RYR2: variants seen among roughly 807,000 people sequenced by gnomAD.
RYR2 encodes the protein cardiac muscle ryanodine receptor-calcium release channel.
A neutral mutation model predicts 601.1 loss-of-function variants in RYR2; 227 were observed. That is an observed-to-expected ratio of 0.38 (90% CI 0.34 to 0.42). The LOEUF (loss-of-function observed/expected upper bound fraction) is 0.42, where lower values mean the gene tolerates loss of function less well. Among genes scored for constraint, RYR2 ranks in the 10% least tolerant of loss-of-function variants. The pLI is 1.00. For synonymous variants in RYR2, 2,223 were observed against 2,175.1 expected (o/e 1.02, Z -0.61); for missense variants, 4,646 against 6,156.5 (o/e 0.75, Z 8.21).
At chr1:237,822,441 C>T (rs979183260) in intron 101 of RYR2, among the ~76,000 whole-genome samples, 7 of 152,076 alleles carry the variant, frequency 4.6e-5, no homozygotes, top group Admixed American at 1.3e-4. Context: ...GCTTCAAAAG[C>T]GAAGGAGTAA....
At chr1:237,208,672 C>T (rs1443018001) in intron 1 of RYR2, among the ~76,000 whole-genome samples, 6 of 151,682 alleles carry the variant, frequency 4.0e-5, no homozygotes, top group African/African-American at 7.3e-5. Flanking sequence ...AGCTAATGAA[C>T]GTATTTATGA....
intron 35 of RYR2, among the ~76,000 whole-genome samples, chr1:237,606,626 C>G (rs1190194984): frequency 6.6e-6 from 1 of 152,186 alleles, no homozygotes; most frequent in Admixed American, 6.5e-5. Context: ...TCAGAGTCAA[C>G]AGGAAACCTA....
At chr1:237,274,362 A>G (rs937690669) in intron 2 of RYR2, among the ~76,000 whole-genome samples, 18 of 151,536 alleles carry the variant, frequency 1.2e-4, no homozygotes, top group Admixed American at 1.1e-3. Context: ...GTGTAGGCCT[A>G]CAATGATGTG....
At chr1:237,368,830 TATTTATTTATTA>T (rs1167217963) in intron 5 of RYR2, among the ~76,000 whole-genome samples, 81 of 151,416 alleles carry the variant, frequency 5.3e-4, no homozygotes, top group African/African-American at 1.9e-3. Flanking sequence ...TTTATTTATT[TATTTATTTATTA>T]AGATAGAGTC....
intron 27 of RYR2, among the ~76,000 whole-genome samples, chr1:237,564,078 C>T (rs1671726829): frequency 6.6e-6 from 1 of 152,090 alleles, no homozygotes; most frequent in Non-Finnish European, 1.5e-5. Flanking sequence ...ATTTTTTCTT[C>T]CCTGAAAATA....
At position 237,590,823 on chromosome 1, in the gene RYR2, A is replaced by C. The variant is rs763970097; in HGVS notation, c.3991A>C (p.Lys1331Gln). ...GLPGAGLFGPKNDLEDYDADS... is the reference protein window; with the variant it reads ...GLPGAGLFGPQNDLEDYDADS... ...CCCTGGGGCTGGCCTTTTTGGGCCC[A>C]AGAATGACTTGGAAGATTATGATGC... The change falls in exon 31 of 105, where the codon AAG becomes CAG. Residue 1331 changes from lysine (K) to glutamine (Q), a missense_variant. Around this residue, in one of 17 missense-constraint regions of RYR2, gnomAD observed 1,807 missense variants for 2,088.1 expected, o/e 0.87. Transcript: ENST00000366574. 6.2e-7 allele frequency: 1 copy of C among 1,613,854 alleles called. No individual in the cohort carries two copies. Among genetic ancestry groups the C allele is most frequent in the Non-Finnish European group, 8.5e-7 (1 of 1,179,862 alleles).
chr1:237,324,204 G>A (rs1014215629), intron 2 of RYR2, among the ~76,000 whole-genome samples: 3 of 152,022 alleles, frequency 2.0e-5, no homozygotes, highest in Non-Finnish European at 4.4e-5. Context: ...ACAACACCAT[G>A]GTTTTTTTTG....
At chr1:237,248,479 T>C (rs1035502660) in intron 1 of RYR2, among the ~76,000 whole-genome samples, 2 of 152,122 alleles carry the variant, frequency 1.3e-5, no homozygotes, top group African/African-American at 4.8e-5. Context: ...ACCCAGAGAT[T>C]CCCAGGCTGG....
chr1:237,395,539 T>C (rs1272486042), intron 10 of RYR2, among the ~76,000 whole-genome samples: 59 of 13,424 alleles, frequency 4.4e-3, no homozygotes, highest in African/African-American at 0.019. Context: ...CTGTCTTTTT[T>C]TTTTTTTTTT....
intron 100 of RYR2, among the ~76,000 whole-genome samples, chr1:237,816,792 T>C (rs1481835838): frequency 6.6e-6 from 1 of 152,038 alleles, no homozygotes; most frequent in Admixed American, 6.6e-5. Context: ...ATGGTGAAAA[T>C]AGTTTCCCCT....
intron 16 of RYR2, among the ~76,000 whole-genome samples, chr1:237,461,486 C>G (rs1553460533): frequency 4.6e-5 from 7 of 152,110 alleles, no homozygotes; most frequent in Non-Finnish European, 2.9e-5. Flanking sequence ...TCTCTAAACT[C>G]TCTGTATTGC....
At chr1:237,699,905 T>A (rs1314932443) in intron 64 of RYR2, among the ~76,000 whole-genome samples, 1 of 152,226 alleles carries the variant, frequency 6.6e-6, no homozygotes, top group Non-Finnish European at 1.5e-5. Flanking sequence ...TTTTGTTGGA[T>A]TTCGGATTAA....
rs144387231 is a variant in RYR2 at position 237,384,146 on chromosome 1, C to A, written c.577-3135C>A. 6.4e-3 allele frequency among the ~76,000 whole-genome samples: 975 copies of A among 152,290 alleles called. 14 individuals carry two copies. Among genetic ancestry groups the A allele is most frequent in the African/African-American group, 0.021 (886 of 41,564 alleles). ...AGAAGAGTAGACCTTATTTAGAGAA[C>A]TTTATATGACTGTAATATGATCTTA... On this transcript the variant is annotated intron_variant, in intron 8 of 104. Transcript: ENST00000366574.
rs553445235 is a variant in RYR2, at chr1:237,707,242, G to A, written c.9874G>A (p.Glu3292Lys). Residue 3292 changes from glutamate to lysine, a missense_variant, in exon 68 of 105, where the codon GAG becomes AAG. By Grantham distance (56) the Glu-to-Lys change is moderately conservative. This residue lies in a region of RYR2 where 1,497 missense variants were observed against 1,842.6 expected (regional missense o/e 0.81). Transcript: ENST00000366574. ...CATATATAATAACTTGGGGATTGATGAGGGAGCCTGGATGAAGAGGCTAGC... is the reference window on the plus strand; with the variant it reads ...CATATATAATAACTTGGGGATTGATAAGGGAGCCTGGATGAAGAGGCTAGC... ...KIIYNNLGID[E>K]GAWMKRLAVF... The A allele has an allele frequency of 2.5e-5, 39 of 1,556,850 alleles. No individual in the cohort carries two copies. Among genetic ancestry groups the A allele is most frequent in the Non-Finnish European group, 3.3e-5 (38 of 1,143,018 alleles).
At chr1:237,670,036 T>C (rs907765121) in intron 58 of RYR2, among the ~76,000 whole-genome samples, 3 of 152,164 alleles carry the variant, frequency 2.0e-5, no homozygotes, top group African/African-American at 4.8e-5. Flanking sequence ...TCTGCAATCC[T>C]GGCACCTCCA....
rs1668671900 is a variant in RYR2, at chr1:237,106,273, C to T, written c.48+63704C>T. On this transcript the variant is annotated intron_variant, in intron 1 of 104. Coordinates refer to ENST00000366574, the MANE Select transcript of RYR2 (RefSeq NM_001035.3). This position sits in a 1 kb window ranked among gnomAD's most constrained non-coding sequence, Gnocchi z 4.4. ...AGGGGTGGGCAGGGAGAACAGCTCC[C>T]CTGCACCAGCTCCCGCTGGGCTGCA... Among the ~76,000 whole-genome samples, 1 of 152,210 alleles carries T rather than the reference C, an allele frequency of 6.6e-6. No homozygotes were observed. The highest frequency in any genetic ancestry group is 2.1e-4 in the South Asian group (1 of 4,832).
intron 58 of RYR2, among the ~76,000 whole-genome samples, chr1:237,673,603 T>C (rs1296644713): frequency 6.6e-6 from 1 of 152,210 alleles, no homozygotes; most frequent in African/African-American, 2.4e-5. Context: ...TTATAAATAA[T>C]GTGACTATGA....
At chr1:237,504,767 A>G (rs1245370756) in intron 22 of RYR2, among the ~76,000 whole-genome samples, 1 of 152,146 alleles carries the variant, frequency 6.6e-6, no homozygotes, top group East Asian at 1.9e-4. Context: ...TGTAGTTCTT[A>G]AGCCCCCAAC....
intron 1 of RYR2, among the ~76,000 whole-genome samples, chr1:237,240,709 T>C (rs897254888): frequency 4.6e-5 from 6 of 131,320 alleles, no homozygotes; most frequent in African/African-American, 1.7e-4. Flanking sequence ...AGACATACCA[T>C]GTAGAGGATG....
Sources: gnomAD v4.1 joint callset for allele counts (sites outside exome capture counted in the v4.1 genomes callset) on GRCh38, gnomAD v4.1.1 for gene constraint, gnomAD v4.1.1 regional missense constraint, Gnocchi (gnomAD v3.1) non-coding constraint, MANE v1.5 for transcripts, NCBI Gene and HGNC (gene_info 2026-07-23, HGNC 2026-07-21) for gene names.